The following IGSF8 variants were observed in gnomAD, a reference collection of about 807,000 sequenced individuals.
The protein encoded by IGSF8 is CD81 partner 3.
In IGSF8, 46 loss-of-function variants were observed where a neutral mutation model predicts 55.5. The observed-to-expected ratio is 0.83, with a 90% CI of 0.65 to 1.06. IGSF8 has a LOEUF of 1.06. Ranked by LOEUF, IGSF8 falls within the 50% of genes least tolerant of loss-of-function variation. The pLI is 0.00. For synonymous variants in IGSF8, 314 were observed against 356.1 expected (o/e 0.88, Z 1.33); for missense variants, 731 against 832.3 (o/e 0.88, Z 1.50).
rs1650254957 is a variant in IGSF8 at position 160,094,182 on chromosome 1, C to T, written c.443-11G>A. 1.9e-6 allele frequency: 3 copies of T among 1,563,838 alleles called. No individual in the cohort carries two copies. Among genetic ancestry groups the T allele is most frequent in the African/African-American group, 2.7e-5 (2 of 74,284 alleles). On this transcript the variant is annotated splice_polypyrimidine_tract_variant and intron_variant, in intron 2 of 6. Transcript: ENST00000314485. The surrounding 1 kb of genome is among the most constrained non-coding windows in gnomAD (Gnocchi z 4.0). ...GGACATCTGGAAGAACTGGAGAGAA[C>T]AGCTGGAGTGAGGGAGGGCTGGGAG...
In IGSF8 at chr1:160,093,921, T is replaced by C. The variant is rs1190998374; in HGVS notation, c.693A>G (p.Gly231=). The C allele has an allele frequency of 6.2e-7, 1 of 1,614,068 alleles. No individual in the cohort carries two copies. The highest frequency in any genetic ancestry group is 8.5e-7 in the Non-Finnish European group (1 of 1,180,036). The stretch of plus-strand genomic sequence containing the variant: ...CAGCCAATCGCTCAGCATAGGGAGC[T>C]CCAGCCTCCACGGCCAAGTCTGACC... ...GIRSDLAVEA[G]APYAERLAAG... Residue 231 remains glycine, a synonymous_variant, in exon 3 of 7, where the codon GGA becomes GGG. Coordinates refer to ENST00000314485, the MANE Select transcript of IGSF8 (RefSeq NM_052868.6).
chr1:160,095,685 G>A (rs180878933), intron 1 of IGSF8, among the ~76,000 whole-genome samples: 250 of 152,372 alleles, frequency 1.6e-3, no homozygotes, highest in Non-Finnish European at 2.8e-3. Flanking sequence ...TTTGCTTGAG[G>A]GGAGCTGGCA....
At position 160,092,272 on chromosome 1, in the gene IGSF8, T is replaced by C. The variant is rs1288788526; in HGVS notation, c.1726+10A>G. The C allele has an allele frequency of 6.2e-7, 1 of 1,612,116 alleles. No homozygotes were observed. Among genetic ancestry groups the C allele is most frequent in the Non-Finnish European group, 8.5e-7 (1 of 1,178,694 alleles). Reference sequence around the variant, plus strand: ...GGCAGAGTGAGGAGGGTGGAGGGGGTGTCACTCACCATGCATGTAGGGGTA... The same window carrying C: ...GGCAGAGTGAGGAGGGTGGAGGGGGCGTCACTCACCATGCATGTAGGGGTA... On this transcript the variant is annotated intron_variant, in intron 5 of 6. Coordinates refer to ENST00000314485, the MANE Select transcript of IGSF8 (RefSeq NM_052868.6).
In IGSF8 at chr1:160,093,851, T is replaced by A. The variant is rs1321989806; in HGVS notation, c.763A>T (p.Met255Leu). The change falls in exon 3 of 7, where the codon ATG becomes TTG. Residue 255 changes from methionine to leucine, a missense_variant. By Grantham distance (15) the Met-to-Leu change is conservative. Transcript: ENST00000314485. ...LGKEGTDRYRMVVGGAQAGDA... is the reference protein window; with the variant it reads ...LGKEGTDRYRLVVGGAQAGDA... ...CCTGCCTGGGCACCCCCTACTACCA[T>A]GCGGTACCGATCGGTCCCTTCCTTG... is the stretch of plus-strand genomic sequence containing the variant. 1.2e-6 allele frequency: 2 copies of A among 1,614,190 alleles called. No homozygotes were observed. The highest frequency in any genetic ancestry group is 3.3e-5 in the Admixed American group (2 of 60,022).
In IGSF8 at chr1:160,093,284, G is replaced by T. The variant is rs758989248; in HGVS notation, c.952C>A (p.Pro318Thr). The part of the protein sequence containing the change: ...TVGPGERRIG[P>T]GEPLELLCNV... ...CACAGCAGTTCCAAGGGCTCCCCTG[G>T]GCCGATCCGACGTTCACCAGGCCCC... is the stretch of plus-strand genomic sequence containing the variant. Residue 318 changes from proline to threonine, a missense_variant, in exon 4 of 7, where the codon CCA (proline) becomes ACA (threonine). Physicochemically the swap from Pro to Thr is conservative, Grantham distance 38. Coordinates refer to ENST00000314485, the MANE Select transcript of IGSF8 (RefSeq NM_052868.6). 1.1e-5 allele frequency: 18 copies of T among 1,607,562 alleles called. No individual in the cohort carries two copies. The highest frequency in any genetic ancestry group is 1.5e-5 in the Non-Finnish European group (18 of 1,175,024).
intron 6 of IGSF8, 66 bp downstream of exon 6, chr1:160,091,742 G>A: frequency 3.0e-6 from 3 of 1,014,198 alleles, no homozygotes; most frequent in Non-Finnish European, 4.7e-6. Context: ...GGAGGGAGCA[G>A]CTTGGTTCAG....
Position 160,093,982 on chromosome 1 carries a change from A to G in IGSF8, c.632T>C (p.Val211Ala). ...CACTTCCTGCAGAGTTGACCGCCCAACTGGTGCCTCGGGCACAGATCGCCC... is the reference window on the plus strand; with the variant it reads ...CACTTCCTGCAGAGTTGACCGCCCAGCTGGTGCCTCGGGCACAGATCGCCC... ...SFGRSVPEAP[V>A]GRSTLQEVVG... Residue 211 changes from valine (V) to alanine (A), a missense_variant, in exon 3 of 7, where the codon GTT becomes GCT. Val to Ala is a moderately conservative substitution (Grantham distance 64). Transcript: ENST00000314485. 10 of 1,614,182 alleles carry G rather than the reference A, an allele frequency of 6.2e-6. No homozygotes were observed. Among genetic ancestry groups the G allele is most frequent in the Non-Finnish European group, 8.5e-6 (10 of 1,180,014 alleles).
Position 160,094,806 on chromosome 1 carries a change from T to C in IGSF8, c.442+63A>G. 6 of 1,540,056 alleles carry C rather than the reference T, an allele frequency of 3.9e-6. No individual in the cohort carries two copies. Among genetic ancestry groups the C allele is most frequent in the Non-Finnish European group, 4.4e-6 (5 of 1,133,348 alleles). On this transcript the variant is annotated intron_variant, in intron 2 of 6. Coordinates refer to ENST00000314485, the MANE Select transcript of IGSF8 (RefSeq NM_052868.6). The surrounding 1 kb of genome is among the most constrained non-coding windows in gnomAD (Gnocchi z 4.0). The stretch of plus-strand genomic sequence containing the variant: ...CCTAAGGGGCAACTAGATAGGTCAC[T>C]TGTGGCCTTGACTTTCTGCCTTGAG...
rs1469451394 is a variant in IGSF8, at chr1:160,095,185, G to A, written c.126C>T (p.Gly42=). ...CATTGCAGGAGATGGAGACAGCTGT[G>A]CCAGCCACGCGGTACAAGGGCCCCT... ...VPEGPLYRVA[G]TAVSISCNVT... Residue 42 remains glycine (G), a synonymous_variant, in exon 2 of 7, where the codon GGC becomes GGT. Coordinates refer to ENST00000314485, the MANE Select transcript of IGSF8 (RefSeq NM_052868.6). 1.9e-6 allele frequency: 3 copies of A among 1,610,932 alleles called. No homozygotes were observed. The highest frequency in any genetic ancestry group is 1.6e-4 in the Middle Eastern group (1 of 6,084).
intron 1 of IGSF8, 68 bp downstream of exon 1, chr1:160,098,341 C>G: frequency 6.5e-7 from 1 of 1,534,340 alleles, no homozygotes; most frequent in Non-Finnish European, 8.8e-7. Flanking sequence ...CCCCGAAATG[C>G]TAGGGGGGTG....
rs767844031 is a variant in IGSF8, at chr1:160,094,803, C to T, written c.442+66G>A. Reference sequence around the variant, plus strand: ...AAACCTAAGGGGCAACTAGATAGGTCACTTGTGGCCTTGACTTTCTGCCTT... The same window carrying T: ...AAACCTAAGGGGCAACTAGATAGGTTACTTGTGGCCTTGACTTTCTGCCTT... On this transcript the variant is annotated intron_variant, in intron 2 of 6. Transcript: ENST00000314485. The surrounding 1 kb of genome is among the most constrained non-coding windows in gnomAD (Gnocchi z 4.0). The T allele has an allele frequency of 1.1e-5, 17 of 1,528,622 alleles. No individual in the cohort carries two copies. The highest frequency in any genetic ancestry group is 1.5e-5 in the Non-Finnish European group (17 of 1,127,396). 94.7% of individuals were successfully genotyped at this position (1,528,622 alleles called of 1,614,324 possible). A position where few individuals can be genotyped will look rare whatever the true frequency, so the allele number is the denominator to read the frequency against.
intron 1 of IGSF8, among the ~76,000 whole-genome samples, chr1:160,097,059 G>A (rs1285055485): frequency 6.6e-6 from 1 of 152,232 alleles, no homozygotes; most frequent in Non-Finnish European, 1.5e-5. Context: ...GGACAGCAAA[G>A]AGGCCTGCTT....
Position 160,093,839 on chromosome 1 carries a change from C to T in IGSF8, c.775G>A (p.Gly259Ser). The change falls in exon 3 of 7, where the codon GGT (glycine) becomes AGT (serine). Residue 259 changes from glycine (G) to serine (S), a missense_variant. Physicochemically the swap from Gly to Ser is moderately conservative, Grantham distance 56. Coordinates refer to ENST00000314485, the MANE Select transcript of IGSF8 (RefSeq NM_052868.6). ...GTDRYRMVVG[G>S]AQAGDAGTYH... is the part of the protein sequence containing the mutation. ...GTGCCTGCGTCCCCTGCCTGGGCACCCCCTACTACCATGCGGTACCGATCG... is the reference window on the plus strand; with the variant it reads ...GTGCCTGCGTCCCCTGCCTGGGCACTCCCTACTACCATGCGGTACCGATCG... 2 of 1,614,184 alleles carry T rather than the reference C, an allele frequency of 1.2e-6. No homozygotes were observed. Among genetic ancestry groups the T allele is most frequent in the Non-Finnish European group, 1.7e-6 (2 of 1,180,010 alleles).
Position 160,093,883 on chromosome 1 carries a change from C to T in IGSF8, c.731G>A (p.Arg244His), listed in dbSNP as rs144957637. The change falls in exon 3 of 7, where the codon CGT becomes CAT. Residue 244 changes from arginine to histidine, a missense_variant. By Grantham distance (29) the Arg-to-His change is conservative. Transcript: ENST00000314485. Reference protein sequence around the residue: ...YAERLAAGELRLGKEGTDRYR... With the variant: ...YAERLAAGELHLGKEGTDRYR... The stretch of plus-strand genomic sequence containing the variant: ...CCGATCGGTCCCTTCCTTGCCCAGA[C>T]GAAGCTCCCCTGCAGCCAATCGCTC... 533 of 1,614,112 alleles carry T rather than the reference C, an allele frequency of 3.3e-4. 1 individual carries two copies. Among genetic ancestry groups the T allele is most frequent in the Non-Finnish European group, 4.1e-4 (488 of 1,180,044 alleles).
chr1:160,097,679 A>T, intron 1 of IGSF8: 1 of 985,392 alleles, frequency 1.0e-6, no homozygotes, highest in Non-Finnish European at 1.2e-6. Flanking sequence ...TCCATGCAAG[A>T]TTGGCCCAGA....
In IGSF8 at chr1:160,092,609, G is replaced by A. The variant is rs768494086; in HGVS notation, c.1399C>T (p.Arg467Trp). 7.5e-5 allele frequency: 120 copies of A among 1,606,328 alleles called. 1 individual carries two copies. Among genetic ancestry groups the A allele is most frequent in the Non-Finnish European group, 1.0e-4 (118 of 1,179,900 alleles). The change falls in exon 5 of 7, where the codon CGG becomes TGG. Residue 467 changes from arginine to tryptophan, a missense_variant. Transcript: ENST00000314485. ...TASLLCNISVRGGPPGLRLAA... is the reference protein window; with the variant it reads ...TASLLCNISVWGGPPGLRLAA... ...AGCCGCAGTCCTGGGGGGCCACCCC[G>A]CACAGAGATGTTGCACAGCAGGGAG...
At position 160,092,598 on chromosome 1, in the gene IGSF8, G is replaced by C. The variant is rs1650055692; in HGVS notation, c.1410C>G (p.Pro470=). The C allele has an allele frequency of 6.2e-7, 1 of 1,607,820 alleles. No individual in the cohort carries two copies. Among genetic ancestry groups the C allele is most frequent in the African/African-American group, 1.3e-5 (1 of 74,946 alleles). ...AGCTGGCGGCCAGCCGCAGTCCTGG[G>C]GGGCCACCCCGCACAGAGATGTTGC... is the stretch of plus-strand genomic sequence containing the variant. The part of the protein sequence containing the change: ...LLCNISVRGG[P]PGLRLAASWW... The change falls in exon 5 of 7, where the codon CCC becomes CCG. Residue 470 remains proline (P), a synonymous_variant. Coordinates refer to ENST00000314485, the MANE Select transcript of IGSF8 (RefSeq NM_052868.6).
Position 160,093,973 on chromosome 1 carries a change from G to T in IGSF8, c.641C>A (p.Ser214Ter). The T allele has an allele frequency of 6.2e-7, 1 of 1,614,252 alleles. No homozygotes were observed. The highest frequency in any genetic ancestry group is 1.1e-5 in the South Asian group (1 of 91,088). ...GATTCCCACCACTTCCTGCAGAGTT[G>T]ACCGCCCAACTGGTGCCTCGGGCAC... Reference protein sequence around the residue: ...RSVPEAPVGRSTLQEVVGIRS... With the variant: ...RSVPEAPVGR The change falls in exon 3 of 7, where the codon TCA (serine) becomes TAA (stop). Residue 214 changes from serine (S) to a stop codon, truncating the protein, a stop_gained. Coordinates refer to ENST00000314485, the MANE Select transcript of IGSF8 (RefSeq NM_052868.6). LOFTEE classifies it high-confidence loss of function.
intron 5 of IGSF8, 149 bp downstream of exon 5, chr1:160,092,133 A>C: frequency 1.0e-6 from 1 of 965,274 alleles, no homozygotes; most frequent in African/African-American, 1.6e-5. Context: ...TGGGCACTGC[A>C]GGGCTGGAAG....
Sources: gnomAD v4.1 joint callset for allele counts (sites outside exome capture counted in the v4.1 genomes callset) on GRCh38, gnomAD v4.1.1 for gene constraint, Gnocchi (gnomAD v3.1) non-coding constraint, MANE v1.5 for transcripts, NCBI Gene and HGNC (gene_info 2026-07-23, HGNC 2026-07-21) for gene names.